The following SPTLC2 variants were observed in gnomAD, a reference collection of about 807,000 sequenced individuals.
SPTLC2 encodes the protein serine palmitoyltransferase long chain base subunit 2, also known as serine palmitoyltransferase 2.
A neutral mutation model predicts 62.0 loss-of-function variants in SPTLC2; 21 were observed. The ratio of observed to expected loss-of-function variants is 0.34; its 90% CI spans 0.24 to 0.49. SPTLC2 has a LOEUF of 0.49. Among genes scored for constraint, SPTLC2 ranks in the 20% least tolerant of loss-of-function variants. SPTLC2 has a pLI of 0.99. For synonymous variants in SPTLC2, 261 were observed against 261.8 expected (o/e 1.00, Z 0.03); for missense variants, 511 against 713.0 (o/e 0.72, Z 3.23).
intron 1 of SPTLC2, among the ~76,000 whole-genome samples, chr14:77,606,580 T>C (rs2079906618): frequency 6.6e-6 from 1 of 152,048 alleles, no homozygotes; most frequent in African/African-American, 2.4e-5. Context: ...AACATTAAAG[T>C]CTCTTCTAGG....
rs1230317191 is a variant in SPTLC2, at chr14:77,508,860, T to C, written c.*3424A>G. 1.3e-5 allele frequency: 2 copies of C among 152,214 alleles called. No homozygotes were observed. Among genetic ancestry groups the C allele is most frequent in the Non-Finnish European group, 2.9e-5 (2 of 68,032 alleles). The allele number at this position is 152,214 out of a possible 1,614,324, so 9.4% of individuals were successfully genotyped here. A position where few individuals can be genotyped will look rare whatever the true frequency, so the allele number is the denominator to read the frequency against. On this transcript the variant is annotated 3_prime_UTR_variant, in exon 12 of 12. Coordinates refer to ENST00000216484, the MANE Select transcript of SPTLC2 (RefSeq NM_004863.4). ...AACAGAACCAAGGCGTCTGATATGC[T>C]ATCTTCAAAGCCCAGCACCACCATA...
chr14:77,524,863 G>A (rs1050747231), intron 9 of SPTLC2, among the ~76,000 whole-genome samples: 3 of 152,096 alleles, frequency 2.0e-5, no homozygotes, highest in Non-Finnish European at 4.4e-5. Flanking sequence ...GTAGGGAAAG[G>A]GGGATTGAAG....
chr14:77,580,640 T>C (rs2079744779), intron 2 of SPTLC2, among the ~76,000 whole-genome samples: 1 of 151,228 alleles, frequency 6.6e-6, no homozygotes, highest in Non-Finnish European at 1.5e-5. Context: ...GAAGGATCGC[T>C]TGTGGCCAGG....
intron 2 of SPTLC2, among the ~76,000 whole-genome samples, chr14:77,586,078 CT>C (rs57174185): frequency 0.31 from 42,966 of 137,150 alleles, 6,175 homozygotes; most frequent in Middle Eastern, 0.46. Flanking sequence ...TTTCTTTTTT[CT>C]TTTTTTTTTT....
At chr14:77,581,672 A>G (rs1258299513) in intron 2 of SPTLC2, among the ~76,000 whole-genome samples, 2 of 152,160 alleles carry the variant, frequency 1.3e-5, no homozygotes, top group Non-Finnish European at 2.9e-5. Context: ...TCGGCCTCCC[A>G]AAGTGCTGGG....
At chr14:77,611,971 T>TA (rs2079940910) in intron 1 of SPTLC2, among the ~76,000 whole-genome samples, 3 of 152,234 alleles carry the variant, frequency 2.0e-5, no homozygotes, top group Admixed American at 1.3e-4. Context: ...AAAGTAGTCT[T>TA]AAAGACAAAC....
chr14:77,578,442 C>T (rs1295343382), intron 3 of SPTLC2, among the ~76,000 whole-genome samples: 3 of 151,612 alleles, frequency 2.0e-5, no homozygotes, highest in Non-Finnish European at 4.4e-5. Flanking sequence ...CCAGGCTGGG[C>T]GCGGTGACTC....
chr14:77,586,185 C>G (rs965368602), intron 2 of SPTLC2, among the ~76,000 whole-genome samples: 4 of 150,920 alleles, frequency 2.7e-5, no homozygotes, highest in African/African-American at 9.7e-5. Flanking sequence ...AAGCAATTCT[C>G]GTACCTCAGC....
At chr14:77,535,987 T>C (rs766660705) in intron 9 of SPTLC2, 1 of 454,804 alleles carries the variant, frequency 2.2e-6, no homozygotes, top group South Asian at 1.6e-5. Context: ...GACAACTTCA[T>C]GAATAGTGAT....
intron 4 of SPTLC2, among the ~76,000 whole-genome samples, chr14:77,573,658 T>G (rs990285995): frequency 5.3e-5 from 8 of 152,194 alleles, no homozygotes; most frequent in Admixed American, 2.0e-4. Context: ...AGACAGAGTC[T>G]CACTCTGTTG....
chr14:77,521,856 C>A (rs2079386368), intron 9 of SPTLC2, among the ~76,000 whole-genome samples: 2 of 152,086 alleles, frequency 1.3e-5, no homozygotes, highest in African/African-American at 4.8e-5. Flanking sequence ...CAGCCATACC[C>A]CCTCACTGAG....
Position 77,579,476 on chromosome 14 carries a change from T to C in SPTLC2, c.328-367A>G, listed in dbSNP as rs576067849. ...ATTAACTGCTAAATCAGGACAGGCT[T>C]GGTGGCTCACGTCTGTAATCCCAGG... On this transcript the variant is annotated intron_variant, in intron 2 of 11. Transcript: ENST00000216484. Among the ~76,000 whole-genome samples, 4 of 152,306 alleles carry C rather than the reference T, an allele frequency of 2.6e-5. 1 individual carries two copies. The highest frequency in any genetic ancestry group is 9.6e-5 in the African/African-American group (4 of 41,552).
chr14:77,529,024 G>A (rs772515624), intron 9 of SPTLC2, among the ~76,000 whole-genome samples: 8 of 152,052 alleles, frequency 5.3e-5, no homozygotes, highest in African/African-American at 1.9e-4. Context: ...TTTTAGTAGA[G>A]ACAGGGTTTC....
intron 5 of SPTLC2, among the ~76,000 whole-genome samples, chr14:77,562,725 G>A (rs1566780977): frequency 6.6e-6 from 1 of 152,176 alleles, no homozygotes; most frequent in Non-Finnish European, 1.5e-5. Context: ...TCAGTCCCAT[G>A]ACTGATGTAA....
rs543078508 is a variant in SPTLC2, at chr14:77,507,778, G to A, written c.*4506C>T. ...TGAAGCAAGTAGCAGGGTATCTGTA[G>A]GTTCTGGGACTGAAAAAAAAAATCC... On this transcript the variant is annotated 3_prime_UTR_variant, in exon 12 of 12. Transcript: ENST00000216484. The A allele has an allele frequency of 5.9e-5, 9 of 152,092 alleles. No individual in the cohort carries two copies. Among genetic ancestry groups the A allele is most frequent in the Non-Finnish European group, 1.0e-4 (7 of 68,038 alleles). The allele number at this position is 152,092 out of a possible 1,614,324, so 9.4% of individuals were successfully genotyped here. A position where few individuals can be genotyped will look rare whatever the true frequency, so the allele number is the denominator to read the frequency against.
In SPTLC2 at chr14:77,511,895, C is replaced by T. The variant is rs1387576606; in HGVS notation, c.*389G>A. 1.9e-4 allele frequency: 54 copies of T among 287,414 alleles called. No homozygotes were observed. The highest frequency in any genetic ancestry group is 1.6e-3 in the Admixed American group (33 of 21,148). 17.8% of individuals were successfully genotyped at this position (287,414 alleles called of 1,614,324 possible). On this transcript the variant is annotated 3_prime_UTR_variant, in exon 12 of 12. Transcript: ENST00000216484. ...GAGGGCCAGGTAAGTATCCAGGCTG[C>T]GGAGCCAGGGCCAGCAGTAGCTCTT...
chr14:77,552,695 A>G (rs1244113057), intron 8 of SPTLC2, among the ~76,000 whole-genome samples: 1 of 151,808 alleles, frequency 6.6e-6, no homozygotes, highest in South Asian at 2.1e-4. Flanking sequence ...AATCCCAGCT[A>G]CTTGGGAGGC....
At chr14:77,579,157 T>TA in intron 2 of SPTLC2, 48 bp from the exon 3 acceptor site, 1 of 1,598,752 alleles carries the variant, frequency 6.3e-7, no homozygotes, top group Non-Finnish European at 8.5e-7. Context: ...GTTACTTTAT[T>TA]AAAAAATTTT....
intron 9 of SPTLC2, among the ~76,000 whole-genome samples, chr14:77,546,740 C>CT (rs11431131): frequency 0.88 from 131,145 of 149,216 alleles, 57,694 homozygotes; most frequent in Middle Eastern, 0.96. Context: ...TGGTAAAACA[C>CT]TTTTTTTTTT....
Sources: gnomAD v4.1 joint callset for allele counts (sites outside exome capture counted in the v4.1 genomes callset) on GRCh38, gnomAD v4.1.1 for gene constraint, MANE v1.5 for transcripts, NCBI Gene and HGNC (gene_info 2026-07-23, HGNC 2026-07-21) for gene names.